C1orf94: variants seen among roughly 807,000 people sequenced by gnomAD.
C1orf94 encodes the protein uncharacterized protein C1orf94.
A neutral mutation model predicts 53.6 loss-of-function variants in C1orf94; 45 were observed. The observed-to-expected ratio is 0.84, with a 90% CI of 0.66 to 1.08. C1orf94 has a LOEUF of 1.08. C1orf94 is among the 50% of genes least tolerant of loss of function. The pLI is 0.00. For missense variants in C1orf94, 762 were observed against 738.9 expected, an observed-to-expected ratio of 1.03 and a Z score of -0.36; for synonymous variants, 304 against 296.1, an observed-to-expected ratio of 1.03 and a Z score of -0.27.
intron 6 of C1orf94, among the ~76,000 whole-genome samples, chr1:34,215,985 G>T (rs1642981445): frequency 6.6e-6 from 1 of 152,126 alleles, no homozygotes; most frequent in South Asian, 2.1e-4. Flanking sequence ...CAGCCTGGGT[G>T]ACAGAGCACA....
At chr1:34,179,979 C>A (rs563123736) in intron 1 of C1orf94, among the ~76,000 whole-genome samples, 1 of 152,290 alleles carries the variant, frequency 6.6e-6, no homozygotes, top group South Asian at 2.1e-4. Context: ...ATGACTTAGA[C>A]GAATAAACGA....
intron 1 of C1orf94, among the ~76,000 whole-genome samples, chr1:34,187,771 C>CCA (rs1557479596): frequency 2.5e-4 from 5 of 19,720 alleles, no homozygotes; most frequent in African/African-American, 4.6e-4. Context: ...ATCCACCCAC[C>CCA]CCCCCCCCCC....
rs116782215 is a variant in C1orf94 at position 34,185,801 on chromosome 1, C to T, written c.320+7692C>T. Among the ~76,000 whole-genome samples the T allele has an allele frequency of 5.0e-3, 758 of 152,362 alleles. 8 individuals are homozygous for T. The highest frequency in any genetic ancestry group is 0.018 in the African/African-American group (733 of 41,594). On this transcript the variant is annotated intron_variant, in intron 1 of 6. Coordinates refer to ENST00000488417, the MANE Select transcript of C1orf94 (RefSeq NM_001134734.2). ...CTGCTCAGACATCTCTCATGGCTCG[C>T]CTTGTCCTCTGGCCCCTTGGGCCTG...
At chr1:34,212,474 G>A in intron 6 of C1orf94, 68 bp downstream of exon 6, 3 of 1,459,588 alleles carry the variant, frequency 2.1e-6, no homozygotes, top group South Asian at 1.3e-5. Flanking sequence ...CAAGTTGGGT[G>A]GGCTTACCAG....
In C1orf94 at chr1:34,197,190, C is replaced by A; in HGVS notation, c.321-35C>A. Reference sequence around the variant, plus strand: ...GCAAAGCCACGCCTTGGTGAGCTGGCACTAACACCGTCTGTCTCTCTGACC... The same window carrying A: ...GCAAAGCCACGCCTTGGTGAGCTGGAACTAACACCGTCTGTCTCTCTGACC... On this transcript the variant is annotated intron_variant, in intron 1 of 6. Transcript: ENST00000488417. The surrounding 1 kb of genome is among the most constrained non-coding windows in gnomAD (Gnocchi z 4.1). 6.8e-7 allele frequency: 1 copy of A among 1,476,060 alleles called. No individual in the cohort carries two copies. The allele number at this position is 1,476,060 out of a possible 1,614,324, so 91.4% of individuals were successfully genotyped here.
At chr1:34,195,777 T>TGG (rs897372904) in intron 1 of C1orf94, among the ~76,000 whole-genome samples, 10 of 136,320 alleles carry the variant, frequency 7.3e-5, no homozygotes, top group Middle Eastern at 3.6e-3. Flanking sequence ...TTTCTGTTCG[T>TGG]GGGTGTGTGT....
chr1:34,199,409 T>C, intron 2 of C1orf94, among the ~76,000 whole-genome samples: 1 of 152,194 alleles, frequency 6.6e-6, no homozygotes, highest in East Asian at 1.9e-4. Flanking sequence ...AGGGATGTTT[T>C]GCTAAAAATG....
chr1:34,181,181 G>T (rs1193157340), intron 1 of C1orf94, among the ~76,000 whole-genome samples: 2 of 152,174 alleles, frequency 1.3e-5, no homozygotes, highest in Non-Finnish European at 2.9e-5. Flanking sequence ...CCTTTGGATA[G>T]TGAAAGACAG....
chr1:34,178,079 T>C lies in C1orf94; in HGVS notation c.290T>C (p.Leu97Pro). The C allele has an allele frequency of 6.4e-7, 1 of 1,551,656 alleles. No individual in the cohort carries two copies. Among genetic ancestry groups the C allele is most frequent in the South Asian group, 1.2e-5 (1 of 84,056 alleles). ...EQLSVPVVGT[L>P]RGNELSFQEE... ...CTCTCTGTCCCTGTGGTTGGAACTC[T>C]AAGAGGCAATGAGCTCAGCTTTCAA... The change falls in exon 1 of 7, where the codon CTA becomes CCA. Residue 97 changes from leucine to proline, a missense_variant. Transcript: ENST00000488417.
chr1:34,175,835 C>T (rs922881457), upstream of C1orf94, among the ~76,000 whole-genome samples: 6 of 151,984 alleles, frequency 3.9e-5, no homozygotes, highest in Non-Finnish European at 4.4e-5. Context: ...GGAATATTGC[C>T]TCCCCTCTTC....
chr1:34,198,368 T>G (rs1642639432), intron 2 of C1orf94, among the ~76,000 whole-genome samples: 1 of 152,210 alleles, frequency 6.6e-6, no homozygotes, highest in African/African-American at 2.4e-5. Flanking sequence ...TGAGGCCTGG[T>G]CCTCCCTCTC....
chr1:34,192,825 G>A (rs1413267641), intron 1 of C1orf94, among the ~76,000 whole-genome samples: 1 of 152,184 alleles, frequency 6.6e-6, no homozygotes, highest in African/African-American at 2.4e-5. Flanking sequence ...TCCATAGGAA[G>A]TGCAAAGGCC....
intron 4 of C1orf94, 75 bp downstream of exon 4, chr1:34,202,334 G>A: frequency 6.6e-7 from 1 of 1,508,038 alleles, no homozygotes. Flanking sequence ...GCTGGCAGGG[G>A]GTCTATTTCA....
At chr1:34,200,746 T>G in intron 2 of C1orf94, 26 bp from the exon 3 acceptor site, 1 of 1,613,076 alleles carries the variant, frequency 6.2e-7, no homozygotes, top group Non-Finnish European at 8.5e-7. Context: ...TCCAGAGGCA[T>G]TGACTCAGTT....
chr1:34,182,383 G>A (rs577708377), intron 1 of C1orf94, among the ~76,000 whole-genome samples: 4 of 152,254 alleles, frequency 2.6e-5, no homozygotes, highest in African/African-American at 7.2e-5. Flanking sequence ...TATTCCACAT[G>A]TTATGGAACA....
intron 5 of C1orf94, among the ~76,000 whole-genome samples, chr1:34,211,263 C>T (rs780655265): frequency 6.6e-6 from 1 of 152,084 alleles, no homozygotes; most frequent in Non-Finnish European, 1.5e-5. Flanking sequence ...TCCTTCTGCC[C>T]GTCTTTGCTT....
At chr1:34,195,811 C>A in intron 1 of C1orf94, among the ~76,000 whole-genome samples, 1 of 141,442 alleles carries the variant, frequency 7.1e-6, no homozygotes, top group Non-Finnish European at 1.6e-5. Context: ...TGTGTGTGTG[C>A]GTTTGTACAC....
At chr1:34,218,658 C>A in intron 6 of C1orf94, 28 bp from the exon 7 acceptor site, 1 of 1,588,420 alleles carries the variant, frequency 6.3e-7, no homozygotes, top group Non-Finnish European at 8.6e-7. Context: ...GGAATCTCAT[C>A]ATGGCATCCA....
At chr1:34,192,211 C>T (rs2148615791) in intron 1 of C1orf94, among the ~76,000 whole-genome samples, 1 of 152,294 alleles carries the variant, frequency 6.6e-6, no homozygotes, top group Middle Eastern at 3.4e-3. Flanking sequence ...GCAGGCCTAA[C>T]CGTGAACCCA....
Sources: gnomAD v4.1 joint callset for allele counts (sites outside exome capture counted in the v4.1 genomes callset) on GRCh38, gnomAD v4.1.1 for gene constraint, Gnocchi (gnomAD v3.1) non-coding constraint, MANE v1.5 for transcripts, NCBI Gene and HGNC (gene_info 2026-07-23, HGNC 2026-07-21) for gene names.